Variants in L1CAM observed in about 807,000 individuals in gnomAD.
L1CAM encodes L1 cell adhesion molecule.
Under a neutral mutation model 93.0 loss-of-function variants are expected in L1CAM, and 8 were observed. The observed-to-expected ratio is 0.09, with a 90% CI of 0.05 to 0.16. The LOEUF is 0.16. Among genes scored for constraint, L1CAM ranks in the 10% least tolerant of loss-of-function variants. L1CAM has a pLI of 1.00. For synonymous variants in L1CAM, 453 were observed against 453.0 expected (o/e 1.00, Z 0.00); for missense variants, 777 against 1,073.4 (o/e 0.72, Z 3.86).
intron 4 of L1CAM, 73 bp downstream of exon 4, chrX:153,872,519 T>G (rs2064780624): frequency 2.0e-6 from 2 of 981,115 alleles, no homozygotes; most frequent in African/African-American, 3.8e-5. Flanking sequence ...GCTTAGAAGT[T>G]AGGCAGTCCA....
chrX:153,863,415 G>A (rs187187062), intron 27 of L1CAM, 36 bp from the exon 28 acceptor site: 278 of 1,208,709 alleles, frequency 2.3e-4, no homozygotes, highest in Middle Eastern at 6.9e-4. Flanking sequence ...AGAGAGAGAG[G>A]GGGTGAGATG....
chrX:153,872,247 C>T lies in L1CAM; in HGVS notation c.305G>A (p.Ser102Asn). The change falls in exon 5 of 29, where the codon AGC (serine) becomes AAC (asparagine). Residue 102 changes from serine to asparagine, a missense_variant. Around this residue, in one of 5 missense-constraint regions of L1CAM, gnomAD observed 574 missense variants for 781.0 expected, o/e 0.73. Coordinates refer to ENST00000370060, the MANE Select transcript of L1CAM (RefSeq NM_001278116.2). ...SGSFTITGNN[S>N]NFAQRFQGIY... The stretch of plus-strand genomic sequence containing the variant: ...GCCCTGGAACCTCTGAGCAAAGTTG[C>T]TGTTGTTGCCCGTGATGGTGAAGGA... The T allele has an allele frequency of 2.5e-6, 3 of 1,208,289 alleles. No homozygotes were observed. Among genetic ancestry groups the T allele is most frequent in the Non-Finnish European group, 3.4e-6 (3 of 893,817 alleles).
chrX:153,868,928 G>T lies in L1CAM; in HGVS notation c.1292C>A (p.Ala431Glu), dbSNP rs782779421. The T allele has an allele frequency of 8.3e-7, 1 of 1,210,249 alleles. No homozygotes were observed. The highest frequency in any genetic ancestry group is 1.1e-6 in the Non-Finnish European group (1 of 893,930). ...VVQLPAKILT[A>E]DNQTYMAVQG... ...GACAGCCATGTACGTCTGATTGTCC[G>T]CAGTCAGGATCTTGGCTGGCAGCTC... The change falls in exon 12 of 29, where the codon GCG (alanine) becomes GAG (glutamate). Residue 431 changes from alanine to glutamate, a missense_variant. Physicochemically the swap from Ala to Glu is moderately radical, Grantham distance 107. Transcript: ENST00000370060.
At chrX:153,878,071 TA>T (rs1161803813) in intron 1 of L1CAM, among the ~76,000 whole-genome samples, 1 of 112,237 alleles carries the variant, frequency 8.9e-6, no homozygotes, top group African/African-American at 3.2e-5. Flanking sequence ...AGGAAGTGGT[TA>T]AAGTGCAGGC....
In L1CAM at chrX:153,863,506, C is replaced by T. The variant is rs1557089616; in HGVS notation, c.3501G>A (p.Pro1167=). 4.1e-6 allele frequency: 5 copies of T among 1,211,443 alleles called. No individual in the cohort carries two copies. The highest frequency in any genetic ancestry group is 5.6e-6 in the Non-Finnish European group (5 of 895,210). Residue 1167 remains proline, a synonymous_variant, in exon 27 of 29, where the codon CCG becomes CCA. Coordinates refer to ENST00000370060, the MANE Select transcript of L1CAM (RefSeq NM_001278116.2). ...ACTCGCCGAAGGTCTCATCTTTCAT[C>T]GGTCGGGCCTCAGAGTCCACCTGGG... ...EDTQVDSEAR[P]MKDETFGEYR... is the part of the protein sequence containing the mutation.
chrX:153,868,670 A>G lies in L1CAM; in HGVS notation c.1437T>C (p.Asn479=). Residue 479 remains asparagine, a synonymous_variant, in exon 13 of 29, where the codon AAT becomes AAC. Transcript: ENST00000370060. ...GGAGGTCTCGAATGCCCAGGGTCCC[A>G]TTGGCATAGGGGAAGAAGCGTTCGT... ...LQDERFFPYA[N]GTLGIRDLQA... is the part of the protein sequence containing the mutation. 1 of 1,211,427 alleles carries G rather than the reference A, an allele frequency of 8.3e-7. No individual in the cohort carries two copies. The highest frequency in any genetic ancestry group is 1.1e-6 in the Non-Finnish European group (1 of 895,003).
At chrX:153,875,193 C>A (rs2064803583) in intron 2 of L1CAM, among the ~76,000 whole-genome samples, 1 of 111,604 alleles carries the variant, frequency 9.0e-6, no homozygotes, top group African/African-American at 3.3e-5. Context: ...CCACCCCCAC[C>A]AAATAACTAC....
At chrX:153,863,846 TC>T (rs1250045710) in intron 26 of L1CAM, 36 bp downstream of exon 26, 1 of 1,209,615 alleles carries the variant, frequency 8.3e-7, no homozygotes, top group Non-Finnish European at 1.1e-6. Flanking sequence ...CTCTCTGCCC[TC>T]GGCTCCACCC....
chrX:153,863,389 C>G lies in L1CAM; in HGVS notation c.3531-10G>C. ...TTACCTCTCCAGGGACCTGAAGTCA[C>G]CCGGCAGCACAGAGAAGAGAGAGAG... On this transcript the variant is annotated splice_polypyrimidine_tract_variant and intron_variant, in intron 27 of 28. Coordinates refer to ENST00000370060, the MANE Select transcript of L1CAM (RefSeq NM_001278116.2). The G allele has an allele frequency of 2.5e-6, 3 of 1,211,165 alleles. No individual in the cohort carries two copies. Among genetic ancestry groups the G allele is most frequent in the South Asian group, 3.5e-5 (2 of 56,862 alleles).
intron 1 of L1CAM, chrX:153,880,523 G>C (rs1224132254): frequency 4.6e-5 from 14 of 301,221 alleles, no homozygotes; most frequent in African/African-American, 3.6e-4. Flanking sequence ...AAGGGTCAGA[G>C]TGTGGTGCTG....
chrX:153,865,132 C>T lies in L1CAM; in HGVS notation c.2828G>A (p.Ser943Asn). 1.7e-6 allele frequency: 2 copies of T among 1,210,095 alleles called. No individual in the cohort carries two copies. Among genetic ancestry groups the T allele is most frequent in the South Asian group, 3.5e-5 (2 of 56,908 alleles). Residue 943 changes from serine to asparagine, a missense_variant, in exon 22 of 29, where the codon AGC (serine) becomes AAC (asparagine). By Grantham distance (46) the Ser-to-Asn change is conservative. Transcript: ENST00000370060. Reference protein sequence around the residue: ...SLLLRWQPPLSHNGVLTGYVL... With the variant: ...SLLLRWQPPLNHNGVLTGYVL... ...GTAGCCGGTGAGCACGCCGTTGTGGCTGAGTGGGGGCTGCCAGCGCAGCAG... is the reference window on the plus strand; with the variant it reads ...GTAGCCGGTGAGCACGCCGTTGTGGTTGAGTGGGGGCTGCCAGCGCAGCAG...
At chrX:153,879,118 C>A (rs782227888) in intron 1 of L1CAM, among the ~76,000 whole-genome samples, 21 of 111,225 alleles carry the variant, frequency 1.9e-4, no homozygotes, top group Admixed American at 9.6e-5. Context: ...CCCTCTACCC[C>A]CCACCAGCAC....
In L1CAM at chrX:153,866,882, C is replaced by T; in HGVS notation, c.2209-11G>A. On this transcript the variant is annotated splice_polypyrimidine_tract_variant and intron_variant, in intron 18 of 28. Coordinates refer to ENST00000370060, the MANE Select transcript of L1CAM (RefSeq NM_001278116.2). ...CATCCACCGGAGCGGCTGGAGGAGG[C>T]CAGCAGAAGAGGAGTTGGTTGGCCA... 1 of 1,202,499 alleles carries T rather than the reference C, an allele frequency of 8.3e-7. No homozygotes were observed. Among genetic ancestry groups the T allele is most frequent in the Non-Finnish European group, 1.1e-6 (1 of 888,195 alleles).
intron 19 of L1CAM, among the ~76,000 whole-genome samples, chrX:153,866,228 G>A (rs371292928): frequency 3.8e-5 from 4 of 106,633 alleles, no homozygotes; most frequent in African/African-American, 6.9e-5. Context: ...CAGGAGAATC[G>A]CTTGAACCCG....
chrX:153,874,965 C>T (rs114464381), intron 2 of L1CAM, among the ~76,000 whole-genome samples: 1,441 of 112,237 alleles, frequency 0.013, 22 homozygotes, highest in African/African-American at 0.044. Flanking sequence ...ACAAGCCTGG[C>T]CAGTAAGTAA....
rs1557094436 is a variant in L1CAM, at chrX:153,875,865, C to T, written c.-29G>A. On this transcript the variant is annotated 5_prime_UTR_variant, in exon 2 of 29. Transcript: ENST00000370060. ...TCCCGGCGGCACCGCGCAGCACAGC[C>T]AGCCGGGCTCGGTTCAGGCTCCGGC... 2 of 1,196,153 alleles carry T rather than the reference C, an allele frequency of 1.7e-6. No individual in the cohort carries two copies. Among genetic ancestry groups the T allele is most frequent in the Non-Finnish European group, 2.3e-6 (2 of 887,723 alleles).
rs1557092437 is a variant in L1CAM, at chrX:153,869,915, G to A, written c.1011C>T (p.His337=). The A allele has an allele frequency of 8.3e-7, 1 of 1,209,699 alleles. No individual in the cohort carries two copies. The change falls in exon 10 of 29, where the codon CAC becomes CAT. Residue 337 remains histidine, a synonymous_variant. Coordinates refer to ENST00000370060, the MANE Select transcript of L1CAM (RefSeq NM_001278116.2). ...VTVEAAPYWL[H]KPQSHLYGPG... is the part of the protein sequence containing the mutation. ...GCCCATATAGATGGCTCTGGGGCTT[G>A]TGCAGCCAGTACGGGGCAGCTGGGA... is the stretch of plus-strand genomic sequence containing the variant.
At position 153,875,746 on chromosome X, in the gene L1CAM, C is replaced by T. The variant is rs782706328; in HGVS notation, c.76+15G>A. On this transcript the variant is annotated intron_variant, in intron 2 of 28. Coordinates refer to ENST00000370060, the MANE Select transcript of L1CAM (RefSeq NM_001278116.2). ...GCGGCGAAGGTAGGCGCCCAGGCTC[C>T]CTTCAGCTACTCACATTCCTCGGGG... 1.1e-5 allele frequency: 13 copies of T among 1,203,019 alleles called. No individual in the cohort carries two copies. In the East Asian group the frequency reaches 2.7e-4, roughly 25 times the overall value.
intron 17 of L1CAM, 37 bp from the exon 18 acceptor site, chrX:153,867,161 C>T (rs1557091197): frequency 3.5e-6 from 4 of 1,152,231 alleles, no homozygotes; most frequent in African/African-American, 3.6e-5. Flanking sequence ...ATGCTGCAGC[C>T]TCTTTTGGAG....
Sources: gnomAD v4.1 joint callset for allele counts (sites outside exome capture counted in the v4.1 genomes callset) on GRCh38, gnomAD v4.1.1 for gene constraint, gnomAD v4.1.1 regional missense constraint, MANE v1.5 for transcripts, NCBI Gene and HGNC (gene_info 2026-07-23, HGNC 2026-07-21) for gene names.